TACR3: variants seen among roughly 807,000 people sequenced by gnomAD.
TACR3 encodes the protein neuromedin-K receptor.
A neutral mutation model predicts 35.0 loss-of-function variants in TACR3; 34 were observed. The observed-to-expected ratio is 0.97, with a 90% CI of 0.74 to 1.30. TACR3 has a LOEUF of 1.30. Ranked by LOEUF, TACR3 falls within the 50% of genes most tolerant of loss-of-function variation. The pLI is 0.00. For synonymous variants in TACR3, 233 were observed against 221.1 expected (o/e 1.05, Z -0.48); for missense variants, 558 against 591.7 (o/e 0.94, Z 0.59).
intron 3 of TACR3, among the ~76,000 whole-genome samples, chr4:103,607,578 G>A (rs1578224321): frequency 6.6e-6 from 1 of 152,078 alleles, no homozygotes; most frequent in South Asian, 2.1e-4. Flanking sequence ...TTTGAGCCAT[G>A]TGATAATATA....
intron 3 of TACR3, 134 bp downstream of exon 3, chr4:103,656,060 A>G: frequency 1.7e-6 from 2 of 1,151,552 alleles, no homozygotes; most frequent in Non-Finnish European, 2.5e-6. Flanking sequence ...AAAAGAAAAA[A>G]AATTAAAACA....
At chr4:103,638,071 C>G (rs1432620471) in intron 3 of TACR3, among the ~76,000 whole-genome samples, 2 of 152,098 alleles carry the variant, frequency 1.3e-5, no homozygotes, top group African/African-American at 2.4e-5. Flanking sequence ...ACTTTCTTCA[C>G]AGAATTGGAA....
At chr4:103,654,348 C>T (rs1052603470) in intron 3 of TACR3, among the ~76,000 whole-genome samples, 1 of 151,428 alleles carries the variant, frequency 6.6e-6, no homozygotes, top group African/African-American at 2.4e-5. Flanking sequence ...ACATATACAC[C>T]ATGGAATACT....
intron 3 of TACR3, among the ~76,000 whole-genome samples, chr4:103,603,194 C>T (rs758189421): frequency 6.6e-6 from 1 of 152,250 alleles, no homozygotes. Context: ...ACCCTCCTAG[C>T]CATGTGCGGG....
Position 103,586,896 on chromosome 4 carries a change from G to A in TACR3, c.*2786C>T, listed in dbSNP as rs1198659399. The A allele has an allele frequency of 6.6e-6, 1 of 151,952 alleles. No homozygotes were observed. Among genetic ancestry groups the A allele is most frequent in the Non-Finnish European group, 1.5e-5 (1 of 67,984 alleles). 9.4% of individuals were successfully genotyped at this position (151,952 alleles called of 1,614,324 possible). Reference sequence around the variant, plus strand: ...GTTTATTTTTGATTTAATGTATTTTGTTTAAAAGAGAATACTTACAATGAT... The same window carrying A: ...GTTTATTTTTGATTTAATGTATTTTATTTAAAAGAGAATACTTACAATGAT... On this transcript the variant is annotated 3_prime_UTR_variant, in exon 5 of 5. Transcript: ENST00000304883.
intron 1 of TACR3, among the ~76,000 whole-genome samples, chr4:103,703,526 A>C (rs1319247044): frequency 6.6e-6 from 1 of 152,172 alleles, no homozygotes; most frequent in Non-Finnish European, 1.5e-5. Context: ...ATGGTCTAAA[A>C]ATTTCTCATG....
At chr4:103,603,074 C>T (rs1724249276) in intron 3 of TACR3, among the ~76,000 whole-genome samples, 2 of 152,226 alleles carry the variant, frequency 1.3e-5, no homozygotes. Context: ...TTTACCTAAT[C>T]ATACAACTAA....
At chr4:103,688,029 G>A (rs1353822470) in intron 1 of TACR3, among the ~76,000 whole-genome samples, 3 of 152,092 alleles carry the variant, frequency 2.0e-5, no homozygotes, top group Non-Finnish European at 4.4e-5. Context: ...AAAACAGCAC[G>A]GTACTGGTAC....
At chr4:103,610,464 A>C (rs1427733328) in intron 3 of TACR3, among the ~76,000 whole-genome samples, 2 of 151,794 alleles carry the variant, frequency 1.3e-5, no homozygotes, top group African/African-American at 4.8e-5. Context: ...CCATTTTTAA[A>C]TTTTATTATT....
At chr4:103,622,427 T>C (rs1011501685) in intron 3 of TACR3, among the ~76,000 whole-genome samples, 3 of 152,012 alleles carry the variant, frequency 2.0e-5, no homozygotes, top group African/African-American at 7.2e-5. Flanking sequence ...ATGAAGGACA[T>C]GAAAAGATAG....
intron 1 of TACR3, among the ~76,000 whole-genome samples, chr4:103,689,084 G>A (rs1023815441): frequency 6.6e-6 from 1 of 151,746 alleles, no homozygotes; most frequent in African/African-American, 2.4e-5. Context: ...AAAATGATGA[G>A]TTCATGTCCT....
Position 103,605,533 on chromosome 4 carries a change from G to A in TACR3, c.889-13850C>T, listed in dbSNP as rs1355563739. On this transcript the variant is annotated intron_variant, in intron 3 of 4. Coordinates refer to ENST00000304883, the MANE Select transcript of TACR3 (RefSeq NM_001059.3). ...ATGATTGCCATTCTAACTGGTGTGA[G>A]ATAGTATCTCATTGTGGTTTTGATT... Among the ~76,000 whole-genome samples the A allele has an allele frequency of 2.4e-3, 358 of 149,348 alleles. 1 individual carries two copies. Among genetic ancestry groups the A allele is most frequent in the African/African-American group, 7.9e-3 (325 of 41,010 alleles).
chr4:103,601,332 G>T (rs188824071), intron 3 of TACR3, among the ~76,000 whole-genome samples: 470 of 151,118 alleles, frequency 3.1e-3, no homozygotes, highest in Non-Finnish European at 5.5e-3. Flanking sequence ...GGGTCTTGAC[G>T]CTATCCAATT....
chr4:103,614,414 T>C (rs1004820665), intron 3 of TACR3, among the ~76,000 whole-genome samples: 6 of 152,178 alleles, frequency 3.9e-5, no homozygotes, highest in Non-Finnish European at 8.8e-5. Context: ...ATTAACTTGG[T>C]TCCATTTAGT....
intron 3 of TACR3, 142 bp downstream of exon 3, chr4:103,656,052 A>T: frequency 9.5e-7 from 1 of 1,055,198 alleles, no homozygotes; most frequent in Non-Finnish European, 1.4e-6. Context: ...ACCAAAAGAA[A>T]AGAAAAAAAA....
At chr4:103,709,263 C>T (rs541295278) in intron 1 of TACR3, among the ~76,000 whole-genome samples, 15 of 152,270 alleles carry the variant, frequency 9.9e-5, no homozygotes, top group South Asian at 4.1e-4. Flanking sequence ...AGAGAAAGGT[C>T]GGGTTACCCA....
At chr4:103,673,347 A>G (rs1226523269) in intron 1 of TACR3, among the ~76,000 whole-genome samples, 1 of 152,172 alleles carries the variant, frequency 6.6e-6, no homozygotes, top group Non-Finnish European at 1.5e-5. Context: ...ATAGCGAGTG[A>G]CATTGTGACT....
At chr4:103,603,347 G>A (rs1724257890) in intron 3 of TACR3, among the ~76,000 whole-genome samples, 1 of 152,194 alleles carries the variant, frequency 6.6e-6, no homozygotes, top group African/African-American at 2.4e-5. Context: ...CACTTCCCGG[G>A]TGAGGTTATG....
chr4:103,601,030 G>T (rs186395265), intron 3 of TACR3, among the ~76,000 whole-genome samples: 1 of 152,016 alleles, frequency 6.6e-6, no homozygotes, highest in South Asian at 2.1e-4. Flanking sequence ...ACTTTCTCTC[G>T]TTGATCTGTC....
Sources: allele counts gnomAD v4.1 joint callset (sites outside exome capture counted in the v4.1 genomes callset), GRCh38; gene constraint gnomAD v4.1.1; transcripts MANE v1.5; gene names NCBI Gene and HGNC (gene_info 2026-07-23, HGNC 2026-07-21).